The following CDH23 variants were observed in gnomAD, a reference collection of about 807,000 sequenced individuals.
CDH23 encodes cadherin-23.
A neutral mutation model predicts 317.1 loss-of-function variants in CDH23; 189 were observed. The observed-to-expected ratio is 0.60, with a 90% CI of 0.53 to 0.67. The LOEUF (loss-of-function observed/expected upper bound fraction) is 0.67, where lower values mean the gene tolerates loss of function less well. Among genes scored for constraint, CDH23 ranks in the 30% least tolerant of loss-of-function variants. The probability of loss-of-function intolerance (pLI) is 0.00; values close to 1 mark genes in which losing one functional copy is unlikely to be tolerated. For synonymous variants in CDH23, 1,839 were observed against 1,876.8 expected (o/e 0.98, Z 0.52); for missense variants, 4,401 against 4,592.4 (o/e 0.96, Z 1.20).
intron 18 of CDH23, among the ~76,000 whole-genome samples, chr10:71,686,597 CT>C (rs1864908953): frequency 6.6e-6 from 1 of 152,164 alleles, no homozygotes; most frequent in African/African-American, 2.4e-5. Context: ...TCCTTTCCCC[CT>C]AAGAGCTCTC....
rs1589260618 is a variant in CDH23, at chr10:71,402,387, AGGCC to A, written c.-6+5071_-6+5074del. ...TCGTGATTTTCATAAGGCAGTTTGC[AGGCC>A]GACAGACTTGATATTGAGCACCAGT... On this transcript the variant is annotated intron_variant, in intron 1 of 69. Transcript: ENST00000224721. 2.6e-5 allele frequency among the ~76,000 whole-genome samples: 4 copies of A among 152,348 alleles called. No individual in the cohort carries two copies. The East Asian group carries it at 5.8e-4, about 22-fold the overall frequency.
intron 38 of CDH23, chr10:71,755,476 C>G: frequency 6.2e-7 from 1 of 1,605,622 alleles, no homozygotes; most frequent in Non-Finnish European, 8.5e-7. Context: ...TCTGAAAGGG[C>G]AGAGAGGTAG....
chr10:71,513,258 C>T lies in CDH23; in HGVS notation c.429+2046C>T, dbSNP rs534797331. ...CAGTGGGGATGTGGTATCAGCTGGA[C>T]GGAGGCCTGGCTACTCCTGATCTGA... On this transcript the variant is annotated intron_variant, in intron 6 of 69. Coordinates refer to ENST00000224721, the MANE Select transcript of CDH23 (RefSeq NM_022124.6). Among the ~76,000 whole-genome samples, 10 of 152,248 alleles carry T rather than the reference C, an allele frequency of 6.6e-5. No homozygotes were observed. In the East Asian group the frequency reaches 9.7e-4, roughly 15 times the overall value.
chr10:71,614,318 T>C (rs1861067124), intron 9 of CDH23, among the ~76,000 whole-genome samples: 1 of 152,140 alleles, frequency 6.6e-6, no homozygotes, highest in Non-Finnish European at 1.5e-5. Flanking sequence ...ACCCCAGAGA[T>C]TGCTGGGTGG....
At position 71,575,007 on chromosome 10, in the gene CDH23, C is replaced by T. The variant is rs139439736; in HGVS notation, c.754-2907C>T. ...GCAAATCCCTGAGCACTCTGAGCCT[C>T]GGTTTGCTCACACATACCCCCATGT... On this transcript the variant is annotated intron_variant, in intron 8 of 69. Coordinates refer to ENST00000224721, the MANE Select transcript of CDH23 (RefSeq NM_022124.6). Among the ~76,000 whole-genome samples the T allele has an allele frequency of 3.6e-3, 539 of 151,824 alleles. 3 individuals carry two copies. The highest frequency in any genetic ancestry group is 0.012 in the African/African-American group (500 of 41,242).
At chr10:71,648,128 C>T (rs182077509) in intron 14 of CDH23, among the ~76,000 whole-genome samples, 101 of 152,332 alleles carry the variant, frequency 6.6e-4, no homozygotes, top group Middle Eastern at 3.4e-3. Flanking sequence ...CAGACGTAAA[C>T]AATAATTCTG....
At chr10:71,495,657 A>G (rs1852918228) in intron 3 of CDH23, among the ~76,000 whole-genome samples, 1 of 150,594 alleles carries the variant, frequency 6.6e-6, no homozygotes, top group Non-Finnish European at 1.5e-5. Context: ...ACACAACAAG[A>G]CCTCATCTCT....
intron 17 of CDH23, 119 bp downstream of exon 17, chr10:71,679,611 C>T (rs1864528563): frequency 1.2e-6 from 1 of 813,714 alleles, no homozygotes; most frequent in Admixed American, 2.1e-5. Flanking sequence ...CTCTGGGCTA[C>T]TCAGGAAGCT....
Position 71,784,404 on chromosome 10 carries a change from C to T in CDH23, c.5486C>T (p.Pro1829Leu). 1 of 1,613,452 alleles carries T rather than the reference C, an allele frequency of 6.2e-7. No individual in the cohort carries two copies. Among genetic ancestry groups the T allele is most frequent in the East Asian group, 2.2e-5 (1 of 44,882 alleles). ...LTICARDRGMPPLSSTMLVGI... is the reference protein window; with the variant it reads ...LTICARDRGMLPLSSTMLVGI... ...ATCTGTGCCCGTGACCGGGGGATGCCCCCACTCAGCTCCACAGTGAGTCTG... is the reference window on the plus strand; with the variant it reads ...ATCTGTGCCCGTGACCGGGGGATGCTCCCACTCAGCTCCACAGTGAGTCTG... The change falls in exon 42 of 70, where the codon CCC (proline) becomes CTC (leucine). Residue 1829 changes from proline to leucine, a missense_variant. Around this residue, in one of 3 missense-constraint regions of CDH23, gnomAD observed 3,068 missense variants for 3,203.3 expected, o/e 0.96. Coordinates refer to ENST00000224721, the MANE Select transcript of CDH23 (RefSeq NM_022124.6).
At chr10:71,579,579 G>A (rs1858483013) in intron 9 of CDH23, among the ~76,000 whole-genome samples, 1 of 152,184 alleles carries the variant, frequency 6.6e-6, no homozygotes, top group Non-Finnish European at 1.5e-5. Context: ...CCTTCTGGAG[G>A]TCTGGGATGG....
At chr10:71,529,037 T>A (rs1855207837) in intron 6 of CDH23, among the ~76,000 whole-genome samples, 1 of 152,208 alleles carries the variant, frequency 6.6e-6, no homozygotes, top group Admixed American at 6.5e-5. Context: ...TCTTCCCCCA[T>A]GTTCTACTCC....
chr10:71,415,847 C>A (rs879258933), intron 1 of CDH23, among the ~76,000 whole-genome samples: 20 of 152,234 alleles, frequency 1.3e-4, no homozygotes, highest in Non-Finnish European at 2.2e-4. Context: ...CTGTTATGAT[C>A]AAAGAATATA....
rs1465042351 is a variant in CDH23 at position 71,454,852 on chromosome 10, T to TA, written c.145+8457_145+8458insA. On this transcript the variant is annotated intron_variant, in intron 3 of 69. Coordinates refer to ENST00000224721, the MANE Select transcript of CDH23 (RefSeq NM_022124.6). ...ATATTTTTTTTACATTTTATTTTTT[T>TA]TTTTTTTTAGAAACAGGATCCCTAT... Among the ~76,000 whole-genome samples the TA allele has an allele frequency of 2.6e-5, 4 of 151,492 alleles. No homozygotes were observed. The East Asian group carries it at 5.8e-4, about 22-fold the overall frequency.
intron 34 of CDH23, among the ~76,000 whole-genome samples, chr10:71,738,181 A>T (rs1470219468): frequency 6.6e-6 from 1 of 152,070 alleles, no homozygotes. Flanking sequence ...GCCTCCATCC[A>T]CTTTAGCCAT....
rs1865789333 is a variant in CDH23 at position 71,706,388 on chromosome 10, T to C, written c.2954-509T>C. 2.0e-5 allele frequency among the ~76,000 whole-genome samples: 3 copies of C among 152,148 alleles called. No homozygotes were observed. In the South Asian group the frequency reaches 6.2e-4, roughly 32 times the overall value. On this transcript the variant is annotated intron_variant, in intron 25 of 69. Transcript: ENST00000224721. ...CCCTCCACTGTGCCACTGTGTGACTTTGGACAAGTCACTCAGCTGCTCTGA... is the reference window on the plus strand; with the variant it reads ...CCCTCCACTGTGCCACTGTGTGACTCTGGACAAGTCACTCAGCTGCTCTGA...
At chr10:71,616,397 G>T (rs1261864591) in intron 10 of CDH23, among the ~76,000 whole-genome samples, 1 of 152,210 alleles carries the variant, frequency 6.6e-6, no homozygotes, top group East Asian at 1.9e-4. Context: ...TCAGGTGTGG[G>T]TTAGCCATGG....
At chr10:71,789,868 CAT>C (rs1346350154) in intron 45 of CDH23, among the ~76,000 whole-genome samples, 3 of 152,240 alleles carry the variant, frequency 2.0e-5, no homozygotes, top group Non-Finnish European at 4.4e-5. Flanking sequence ...TTGATGCACA[CAT>C]GAGTGGGTTT....
chr10:71,483,406 T>A (rs1852175541), intron 3 of CDH23, among the ~76,000 whole-genome samples: 1 of 152,194 alleles, frequency 6.6e-6, no homozygotes, highest in African/African-American at 2.4e-5. Context: ...TTGGACATTT[T>A]AACAACCAGT....
rs1296131662 is a variant in CDH23, at chr10:71,788,151, G to A, written c.5821-789G>A. On this transcript the variant is annotated intron_variant, in intron 44 of 69. Coordinates refer to ENST00000224721, the MANE Select transcript of CDH23 (RefSeq NM_022124.6). ...CAATCTCTGCCTCCTGGGTTCAAGC[G>A]ATTCTCCTGTCTCAACTTCCCAAGT... is the stretch of plus-strand genomic sequence containing the variant. Among the ~76,000 whole-genome samples the A allele has an allele frequency of 1.3e-5, 2 of 151,994 alleles. 1 individual carries two copies.
Sources: allele counts gnomAD v4.1 joint callset (sites outside exome capture counted in the v4.1 genomes callset), GRCh38; gene constraint gnomAD v4.1.1; regional missense constraint gnomAD v4.1.1; transcripts MANE v1.5; gene names NCBI Gene and HGNC (gene_info 2026-07-23, HGNC 2026-07-21).